The following GPR137C variants were observed in gnomAD, a reference collection of about 807,000 sequenced individuals.
GPR137C encodes integral membrane protein GPR137C.
A neutral mutation model predicts 43.4 loss-of-function variants in GPR137C; 27 were observed. That is an observed-to-expected ratio of 0.62 (90% CI 0.46 to 0.86). GPR137C has a LOEUF of 0.86. GPR137C is among the 40% of genes least tolerant of loss of function. The pLI, the probability that GPR137C is intolerant of heterozygous loss-of-function variation, is 0.00. For missense variants in GPR137C, 522 were observed against 534.6 expected, an observed-to-expected ratio of 0.98 and a Z score of 0.23; for synonymous variants, 285 against 226.9, an observed-to-expected ratio of 1.26 and a Z score of -2.30.
intron 1 of GPR137C, among the ~76,000 whole-genome samples, chr14:52,580,493 C>A (rs2038627567): frequency 6.6e-6 from 1 of 152,096 alleles, no homozygotes; most frequent in African/African-American, 2.4e-5. Context: ...TCCCAAGTAG[C>A]TGGGACTGGA....
At chr14:52,596,277 A>C (rs2038853907) in intron 1 of GPR137C, among the ~76,000 whole-genome samples, 7 of 152,194 alleles carry the variant, frequency 4.6e-5, no homozygotes, top group Admixed American at 4.6e-4. Context: ...TACACGGGTC[A>C]GGGACCCACT....
At position 52,569,326 on chromosome 14, in the gene GPR137C, G is replaced by A. The variant is rs180785319; in HGVS notation, c.444+15735G>A. On this transcript the variant is annotated intron_variant, in intron 1 of 6. Coordinates refer to ENST00000321662, the MANE Select transcript of GPR137C (RefSeq NM_001099652.2). ...GACCAAAGGTAGGTAAATCCATGAA[G>A]ATGAGGAAAAACCAGTGCAGAAAGG... 3.4e-4 allele frequency among the ~76,000 whole-genome samples: 51 copies of A among 151,370 alleles called. No homozygotes were observed. In the East Asian group the frequency reaches 9.8e-3, roughly 29 times the overall value.
chr14:52,625,816 A>G (rs767463862), intron 3 of GPR137C, among the ~76,000 whole-genome samples: 10 of 151,856 alleles, frequency 6.6e-5, no homozygotes, highest in Non-Finnish European at 1.3e-4. Flanking sequence ...GGCCTCCCAA[A>G]GTGCTGGAAT....
intron 3 of GPR137C, among the ~76,000 whole-genome samples, chr14:52,604,650 G>T (rs914873243): frequency 6.6e-6 from 1 of 152,110 alleles, no homozygotes; most frequent in African/African-American, 2.4e-5. Flanking sequence ...GTTTTGCCGT[G>T]TTGGCCAGGC....
At chr14:52,578,805 G>T (rs372934478) in intron 1 of GPR137C, among the ~76,000 whole-genome samples, 4 of 152,236 alleles carry the variant, frequency 2.6e-5, no homozygotes, top group African/African-American at 9.6e-5. Context: ...TTAGCCAGGC[G>T]TGGTGGCACG....
chr14:52,596,027 T>C (rs1170320980), intron 1 of GPR137C, among the ~76,000 whole-genome samples: 1 of 152,210 alleles, frequency 6.6e-6, no homozygotes, highest in Non-Finnish European at 1.5e-5. Flanking sequence ...TTTGTTGATG[T>C]TGATGCTATT....
chr14:52,617,380 A>G (rs370844802), intron 3 of GPR137C, among the ~76,000 whole-genome samples: 110 of 151,990 alleles, frequency 7.2e-4, no homozygotes, highest in African/African-American at 2.4e-3. Context: ...GTATTAAGTG[A>G]TTAAAAGATG....
chr14:52,582,518 G>A (rs1392063466), intron 1 of GPR137C, among the ~76,000 whole-genome samples: 1 of 152,232 alleles, frequency 6.6e-6, no homozygotes, highest in Non-Finnish European at 1.5e-5. Context: ...ATCTGGCCGG[G>A]CATGGTGGCT....
chr14:52,609,700 G>C (rs544644304), intron 3 of GPR137C, among the ~76,000 whole-genome samples: 110 of 152,326 alleles, frequency 7.2e-4, no homozygotes, highest in African/African-American at 2.6e-3. Flanking sequence ...TTCTGGCCCA[G>C]ATGGATCTGG....
chr14:52,564,465 C>G (rs2038336093), intron 1 of GPR137C, among the ~76,000 whole-genome samples: 1 of 152,058 alleles, frequency 6.6e-6, no homozygotes, highest in Non-Finnish European at 1.5e-5. Flanking sequence ...CATATTCCTT[C>G]TGCCACAGAG....
At chr14:52,628,248 C>G (rs1292993752) in intron 3 of GPR137C, among the ~76,000 whole-genome samples, 1 of 152,042 alleles carries the variant, frequency 6.6e-6, no homozygotes, top group Non-Finnish European at 1.5e-5. Flanking sequence ...TAAAGCAATC[C>G]AATACCACAA....
intron 3 of GPR137C, among the ~76,000 whole-genome samples, chr14:52,616,662 A>C (rs935459843): frequency 2.0e-5 from 3 of 152,202 alleles, no homozygotes; most frequent in African/African-American, 7.2e-5. Context: ...CATGCATGGA[A>C]TCTGACCTAC....
intron 3 of GPR137C, among the ~76,000 whole-genome samples, chr14:52,619,506 T>A (rs1346093400): frequency 6.6e-6 from 1 of 152,162 alleles, no homozygotes; most frequent in African/African-American, 2.4e-5. Context: ...CTACTGCAGT[T>A]GTTGTACTGC....
At chr14:52,573,032 C>T (rs888376495) in intron 1 of GPR137C, among the ~76,000 whole-genome samples, 4 of 152,164 alleles carry the variant, frequency 2.6e-5, no homozygotes, top group African/African-American at 9.7e-5. Flanking sequence ...TGAAGGACCT[C>T]TTCAAGGAGA....
intron 3 of GPR137C, among the ~76,000 whole-genome samples, chr14:52,625,526 A>G (rs1434620449): frequency 1.5e-5 from 2 of 135,440 alleles, no homozygotes; most frequent in Non-Finnish European, 1.6e-5. Flanking sequence ...GGAGGGAAGA[A>G]CACATCTTTT....
chr14:52,632,804 G>A (rs1018312579), intron 4 of GPR137C, among the ~76,000 whole-genome samples: 2 of 151,996 alleles, frequency 1.3e-5, no homozygotes, highest in South Asian at 2.1e-4. Flanking sequence ...AGTTCCTTGG[G>A]TGTCCAGGTA....
intron 1 of GPR137C, among the ~76,000 whole-genome samples, chr14:52,594,311 A>G (rs890758761): frequency 2.0e-4 from 31 of 152,094 alleles, no homozygotes; most frequent in Non-Finnish European, 3.5e-4. Flanking sequence ...TTGATTTGGG[A>G]TGGAGAGTTC....
At chr14:52,621,920 AAATC>A (rs2039165991) in intron 3 of GPR137C, among the ~76,000 whole-genome samples, 1 of 151,788 alleles carries the variant, frequency 6.6e-6, no homozygotes, top group South Asian at 2.1e-4. Context: ...TATTTAAAAT[AAATC>A]CATTACATTC....
chr14:52,612,356 AAATT>A, intron 3 of GPR137C: 1 of 925,002 alleles, frequency 1.1e-6, no homozygotes, highest in East Asian at 1.2e-4. Context: ...TCATATACCA[AAATT>A]AATTCTTATC....
Sources: allele counts gnomAD v4.1 joint callset (sites outside exome capture counted in the v4.1 genomes callset), GRCh38; gene constraint gnomAD v4.1.1; transcripts MANE v1.5; gene names NCBI Gene and HGNC (gene_info 2026-07-23, HGNC 2026-07-21).